The following PRKAR2A variants were observed in gnomAD, a reference collection of about 807,000 sequenced individuals.
The protein encoded by PRKAR2A is cAMP-dependent protein kinase type II-alpha regulatory subunit.
Under a neutral mutation model 51.9 loss-of-function variants are expected in PRKAR2A, and 29 were observed. That is an observed-to-expected ratio of 0.56 (90% CI 0.42 to 0.76). PRKAR2A has a LOEUF of 0.76. PRKAR2A is among the 30% of genes least tolerant of loss of function. The pLI is 0.00. For missense variants in PRKAR2A, 445 were observed against 512.1 expected (o/e 0.87, Z 1.26); for synonymous variants, 178 against 186.2 (o/e 0.96, Z 0.36).
chr3:48,783,603 C>T (rs34037363), intron 4 of PRKAR2A, among the ~76,000 whole-genome samples: 11,513 of 152,072 alleles, frequency 0.076, 576 homozygotes, highest in Middle Eastern at 0.11. Flanking sequence ...GTTCTGGAGA[C>T]GGAGTCTCAC....
At chr3:48,781,510 TTTTTA>T (rs1334874597) in intron 5 of PRKAR2A, among the ~76,000 whole-genome samples, 1 of 151,340 alleles carries the variant, frequency 6.6e-6, no homozygotes, top group Non-Finnish European at 1.5e-5. Context: ...CCCGGTTACT[TTTTTA>T]TTTTTATTTT....
chr3:48,847,440 C>T lies in PRKAR2A; in HGVS notation c.157G>A (p.Ala53Thr). The change falls in exon 1 of 11, where the codon GCC (alanine) becomes ACC (threonine). Residue 53 changes from alanine (A) to threonine (T), a missense_variant. Physicochemically the swap from Ala to Thr is moderately conservative, Grantham distance 58. Transcript: ENST00000265563. This position sits in a 1 kb window ranked among gnomAD's most constrained non-coding sequence, Gnocchi z 4.4. Reference sequence around the variant, plus strand: ...TGGCCCAGGCTCTGGCGTGGGGTGGCGGCGGGCAGGACTGAGGCTGGGGCG... The same window carrying T: ...TGGCCCAGGCTCTGGCGTGGGGTGGTGGCGGGCAGGACTGAGGCTGGGGCG... ...ARAPASVLPA[A>T]TPRQSLGHPP... 1 of 1,580,398 alleles carries T rather than the reference C, an allele frequency of 6.3e-7. No homozygotes were observed. The highest frequency in any genetic ancestry group is 1.8e-5 in the Admixed American group (1 of 54,998).
At chr3:48,790,463 C>G in intron 4 of PRKAR2A, 81 bp downstream of exon 4, 3 of 983,152 alleles carry the variant, frequency 3.1e-6, no homozygotes, top group South Asian at 1.9e-5. Flanking sequence ...GGCTAGGGTG[C>G]TAAAAATTAA....
Position 48,847,475 on chromosome 3 carries a change from C to A in PRKAR2A, c.122G>T (p.Arg41Leu), listed in dbSNP as rs1277688995. The A allele has an allele frequency of 1.3e-6, 2 of 1,559,250 alleles. No homozygotes were observed. The highest frequency in any genetic ancestry group is 1.7e-6 in the Non-Finnish European group (2 of 1,151,546). Reference sequence around the variant, plus strand: ...GACTGAGGCTGGGGCGCGGGCCTCGCGCAGGCGGGTGAAGTACTCCACTGC... The same window carrying A: ...GACTGAGGCTGGGGCGCGGGCCTCGAGCAGGCGGGTGAAGTACTCCACTGC... Reference protein sequence around the residue: ...EFAVEYFTRLREARAPASVLP... With the variant: ...EFAVEYFTRLLEARAPASVLP... Residue 41 changes from arginine to leucine, a missense_variant, in exon 1 of 11, where the codon CGC (arginine) becomes CTC (leucine). Coordinates refer to ENST00000265563, the MANE Select transcript of PRKAR2A (RefSeq NM_004157.4). The surrounding 1 kb of genome is among the most constrained non-coding windows in gnomAD (Gnocchi z 4.4).
At chr3:48,798,741 A>G (rs970015263) in intron 2 of PRKAR2A, among the ~76,000 whole-genome samples, 3 of 151,632 alleles carry the variant, frequency 2.0e-5, no homozygotes, top group Non-Finnish European at 2.9e-5. Context: ...GCTCACTGCA[A>G]CCTAAGCCTC....
chr3:48,781,002 ACT>A (rs2082186850), intron 5 of PRKAR2A, among the ~76,000 whole-genome samples: 1 of 152,124 alleles, frequency 6.6e-6, no homozygotes, highest in East Asian at 1.9e-4. Flanking sequence ...ACGAAGTCTC[ACT>A]CTGTCACCCA....
At chr3:48,845,637 G>A (rs1042509710) in intron 1 of PRKAR2A, among the ~76,000 whole-genome samples, 4 of 152,200 alleles carry the variant, frequency 2.6e-5, no homozygotes, top group Middle Eastern at 3.2e-3. Flanking sequence ...ACACTCTTGC[G>A]TAGATCAGAT....
At chr3:48,754,726 T>C (rs1048148714) in intron 9 of PRKAR2A, among the ~76,000 whole-genome samples, 5 of 151,436 alleles carry the variant, frequency 3.3e-5, no homozygotes, top group African/African-American at 2.4e-5. Context: ...TAAGCTGAGA[T>C]CACGCCACTG....
At chr3:48,814,121 G>T (rs867120644) in intron 1 of PRKAR2A, among the ~76,000 whole-genome samples, 1 of 151,988 alleles carries the variant, frequency 6.6e-6, no homozygotes, top group African/African-American at 2.4e-5. Flanking sequence ...GGTGTCTCGC[G>T]CCTGTGGTCC....
intron 9 of PRKAR2A, among the ~76,000 whole-genome samples, chr3:48,755,961 C>T (rs1415963411): frequency 6.6e-6 from 1 of 151,498 alleles, no homozygotes; most frequent in Non-Finnish European, 1.5e-5. Flanking sequence ...TTTGTATTTT[C>T]AGTAGAGACA....
rs2081572875 is a variant in PRKAR2A at position 48,747,222 on chromosome 3, G to A, written c.*4363C>T. ...AAAAACCAAAACAACTTGTATCTTG[G>A]CAAGATTGGTTTACAAGTTCATGAC... On this transcript the variant is annotated 3_prime_UTR_variant, in exon 11 of 11. Coordinates refer to ENST00000265563, the MANE Select transcript of PRKAR2A (RefSeq NM_004157.4). 6.6e-6 allele frequency: 1 copy of A among 151,938 alleles called. No individual in the cohort carries two copies. The highest frequency in any genetic ancestry group is 6.6e-5 in the Admixed American group (1 of 15,246). The allele number at this position is 151,938 out of a possible 1,614,324, so 9.4% of individuals were successfully genotyped here.
intron 1 of PRKAR2A, among the ~76,000 whole-genome samples, chr3:48,834,026 C>G (rs1227911634): frequency 6.8e-6 from 1 of 146,444 alleles, no homozygotes; most frequent in African/African-American, 2.5e-5. Context: ...CAAAGCAAGA[C>G]TCCGTCTTAA....
chr3:48,794,905 G>A (rs1197124021), intron 2 of PRKAR2A, among the ~76,000 whole-genome samples: 1 of 151,924 alleles, frequency 6.6e-6, no homozygotes, highest in Non-Finnish European at 1.5e-5. Context: ...GGAAAGTAAT[G>A]AAATTATTTT....
intron 1 of PRKAR2A, among the ~76,000 whole-genome samples, chr3:48,815,896 G>A (rs1366535905): frequency 1.3e-5 from 2 of 148,536 alleles, no homozygotes; most frequent in African/African-American, 5.0e-5. Flanking sequence ...GCACGCGCCT[G>A]TAATCCCAGC....
intron 1 of PRKAR2A, among the ~76,000 whole-genome samples, chr3:48,827,210 T>C (rs2083082424): frequency 6.6e-6 from 1 of 152,098 alleles, no homozygotes; most frequent in East Asian, 1.9e-4. Context: ...CATTGGATGC[T>C]TGGTCTAGAA....
At chr3:48,799,328 G>T (rs1000479602) in intron 2 of PRKAR2A, among the ~76,000 whole-genome samples, 3 of 152,126 alleles carry the variant, frequency 2.0e-5, no homozygotes, top group Non-Finnish European at 2.9e-5. Context: ...CTAGATGGGA[G>T]GATCACTTTA....
At position 48,847,629 on chromosome 3, in the gene PRKAR2A, G is replaced by A; in HGVS notation, c.-33C>T. 7.1e-7 allele frequency: 1 copy of A among 1,407,240 alleles called. No individual in the cohort carries two copies. The highest frequency in any genetic ancestry group is 9.2e-7 in the Non-Finnish European group (1 of 1,086,790). 87.2% of individuals were successfully genotyped at this position (1,407,240 alleles called of 1,614,324 possible). ...GCGGCCGAAGGGATAGACGGGTTGG[G>A]CCGCCGGCGGCCACTGTCTCCGCGC... On this transcript the variant is annotated 5_prime_UTR_variant, in exon 1 of 11. Transcript: ENST00000265563. The surrounding 1 kb of genome is among the most constrained non-coding windows in gnomAD (Gnocchi z 4.4).
In PRKAR2A at chr3:48,812,701, C is replaced by A. The variant is rs1183084270; in HGVS notation, c.263-5017G>T. The stretch of plus-strand genomic sequence containing the variant: ...GTTTCACCGTGTTAGCCAGGATGGT[C>A]TCAATCTCCTGACCTTGTGATCCGC... On this transcript the variant is annotated intron_variant, in intron 1 of 10. Coordinates refer to ENST00000265563, the MANE Select transcript of PRKAR2A (RefSeq NM_004157.4). 1.3e-5 allele frequency among the ~76,000 whole-genome samples: 2 copies of A among 152,172 alleles called. 1 individual carries two copies. Among genetic ancestry groups the A allele is most frequent in the Middle Eastern group, 6.3e-3 (2 of 316 alleles).
rs190085886 is a variant in PRKAR2A, at chr3:48,781,073, T to C, written c.542+1913A>G. On this transcript the variant is annotated intron_variant, in intron 5 of 10. Transcript: ENST00000265563. ...GCAGCCTCTGCCTTGTGGGTTCAAG[T>C]GATTCTCCTGCCTCAGCCTTCCAAG... Among the ~76,000 whole-genome samples the C allele has an allele frequency of 1.1e-4, 17 of 150,358 alleles. No individual in the cohort carries two copies. In the East Asian group the frequency reaches 2.2e-3, roughly 19 times the overall value.
Sources: allele counts gnomAD v4.1 joint callset (sites outside exome capture counted in the v4.1 genomes callset), GRCh38; gene constraint gnomAD v4.1.1; non-coding constraint Gnocchi (gnomAD v3.1); transcripts MANE v1.5; gene names NCBI Gene and HGNC (gene_info 2026-07-23, HGNC 2026-07-21).